The following PDCD11 variants were observed in gnomAD, a reference collection of about 807,000 sequenced individuals.
PDCD11 encodes the protein protein RRP5 homolog.
Under a neutral mutation model 198.9 loss-of-function variants are expected in PDCD11, and 97 were observed. The ratio of observed to expected loss-of-function variants is 0.49; its 90% CI spans 0.41 to 0.58. The LOEUF (loss-of-function observed/expected upper bound fraction) is 0.58, where lower values mean the gene tolerates loss of function less well. Among genes scored for constraint, PDCD11 ranks in the 20% least tolerant of loss-of-function variants. PDCD11 has a pLI of 0.00. For synonymous variants in PDCD11, 893 were observed against 918.0 expected, an observed-to-expected ratio of 0.97 and a Z score of 0.49; for missense variants, 2,102 against 2,312.7, an observed-to-expected ratio of 0.91 and a Z score of 1.87.
chr10:103,427,204 G>A (rs1286434444), intron 20 of PDCD11, 125 bp from the exon 21 acceptor site: 2 of 791,382 alleles, frequency 2.5e-6, no homozygotes, highest in Non-Finnish European at 4.5e-6. Context: ...CTTCAGTGGT[G>A]GTGTGACAGT....
rs1304043361 is a variant in PDCD11, at chr10:103,438,031, A to G, written c.3862A>G (p.Thr1288Ala). Residue 1288 changes from threonine to alanine, a missense_variant, in exon 26 of 36, where the codon ACT (threonine) becomes GCT (alanine). Thr to Ala is a moderately conservative substitution (Grantham distance 58). Coordinates refer to ENST00000369797, the MANE Select transcript of PDCD11 (RefSeq NM_014976.2). The stretch of plus-strand genomic sequence containing the variant: ...TTCATTCAGATGTTACATCCTGTCC[A>G]CTGCAGACAACGTATTGACTTTGTC... The part of the protein sequence containing the change: ...QKVVRCYILS[T>A]ADNVLTLSLR... 6.2e-7 allele frequency: 1 copy of G among 1,613,604 alleles called. No individual in the cohort carries two copies. Among genetic ancestry groups the G allele is most frequent in the East Asian group, 2.2e-5 (1 of 44,884 alleles).
At chr10:103,433,232 C>T (rs1395665717) in intron 22 of PDCD11, among the ~76,000 whole-genome samples, 7 of 152,134 alleles carry the variant, frequency 4.6e-5, no homozygotes, top group Non-Finnish European at 8.8e-5. Context: ...TGGTGGTTCA[C>T]GCCTGTAATC....
intron 10 of PDCD11, 67 bp downstream of exon 10, chr10:103,414,157 C>A (rs2030969612): frequency 1.3e-6 from 2 of 1,583,786 alleles, no homozygotes; most frequent in Non-Finnish European, 1.7e-6. Context: ...TTCCATTTCT[C>A]CTGGCTGTGC....
At chr10:103,439,442 T>A (rs2032285875) in intron 27 of PDCD11, among the ~76,000 whole-genome samples, 1 of 152,242 alleles carries the variant, frequency 6.6e-6, no homozygotes, top group Non-Finnish European at 1.5e-5. Context: ...CACCTCATGT[T>A]CACAAGCACC....
In PDCD11 at chr10:103,443,980, A is replaced by C; in HGVS notation, c.5190A>C (p.Lys1730Asn). ...GGCAGGAGAAAGCTGTGTGGATCAAATACGGCGCCTTCCTTCTGCGGAGGA... is the reference window on the plus strand; with the variant it reads ...GGCAGGAGAAAGCTGTGTGGATCAACTACGGCGCCTTCCTTCTGCGGAGGA... ...RFRQEKAVWI[K>N]YGAFLLRRSQ... The change falls in exon 34 of 36, where the codon AAA (lysine) becomes AAC (asparagine). Residue 1730 changes from lysine to asparagine, a missense_variant. Physicochemically the swap from Lys to Asn is moderately conservative, Grantham distance 94. Transcript: ENST00000369797. The C allele has an allele frequency of 6.2e-7, 1 of 1,613,882 alleles. No homozygotes were observed. Among genetic ancestry groups the C allele is most frequent in the South Asian group, 1.1e-5 (1 of 91,056 alleles).
At chr10:103,418,347 C>A in intron 14 of PDCD11, 93 bp from the exon 15 acceptor site, 1 of 996,014 alleles carries the variant, frequency 1.0e-6, no homozygotes, top group South Asian at 1.5e-5. Context: ...TCCTTGGTGC[C>A]GGAGTTTAAT....
intron 20 of PDCD11, 144 bp downstream of exon 20, chr10:103,425,669 TGCAAGA>T (rs1006395695): frequency 1.1e-5 from 8 of 700,460 alleles, no homozygotes; most frequent in Non-Finnish European, 1.9e-5. Flanking sequence ...AGAATTATTT[TGCAAGA>T]TTCTTTTTTT....
At chr10:103,412,368 T>G (rs897036966) in intron 8 of PDCD11, among the ~76,000 whole-genome samples, 21 of 152,118 alleles carry the variant, frequency 1.4e-4, no homozygotes, top group Non-Finnish European at 2.5e-4. Context: ...TCGCCCAGGC[T>G]GGAGTGCAGT....
In PDCD11 at chr10:103,406,681, G is replaced by T; in HGVS notation, c.761G>T (p.Ser254Ile). Reference protein sequence around the residue: ...EKVKGNGGVVSLSVGHSEVST... With the variant: ...EKVKGNGGVVILSVGHSEVST... ...GTGAAAGGCAACGGAGGAGTTGTTA[G>T]TCTGTCTGTTGGTCACTCAGAGGTT... Residue 254 changes from serine (S) to isoleucine (I), a missense_variant, in exon 7 of 36, where the codon AGT becomes ATT. Physicochemically the swap from Ser to Ile is moderately radical, Grantham distance 142. Coordinates refer to ENST00000369797, the MANE Select transcript of PDCD11 (RefSeq NM_014976.2). 6.2e-7 allele frequency: 1 copy of T among 1,614,164 alleles called. No homozygotes were observed. The highest frequency in any genetic ancestry group is 8.5e-7 in the Non-Finnish European group (1 of 1,180,004).
chr10:103,422,056 TTA>T (rs2031469495), intron 17 of PDCD11, among the ~76,000 whole-genome samples: 1 of 26,472 alleles, frequency 3.8e-5, no homozygotes, highest in Non-Finnish European at 6.8e-5. Flanking sequence ...GTGCACAATT[TTA>T]TTATTATTAT....
At chr10:103,408,179 A>G (rs1203443358) in intron 7 of PDCD11, among the ~76,000 whole-genome samples, 1 of 151,886 alleles carries the variant, frequency 6.6e-6, no homozygotes, top group Non-Finnish European at 1.5e-5. Flanking sequence ...GTAAACTACT[A>G]GTTTCTTTTT....
intron 25 of PDCD11, 79 bp downstream of exon 25, chr10:103,435,054 CTT>C: frequency 9.3e-7 from 1 of 1,075,360 alleles, no homozygotes; most frequent in South Asian, 2.5e-5. Flanking sequence ...TAATACATGA[CTT>C]TTTATCAGAA....
chr10:103,420,980 A>G (rs1592127612), intron 16 of PDCD11, among the ~76,000 whole-genome samples: 1 of 151,248 alleles, frequency 6.6e-6, no homozygotes, highest in African/African-American at 2.4e-5. Flanking sequence ...GATTCAAGTG[A>G]TTCTCCTGCC....
intron 12 of PDCD11, 74 bp downstream of exon 12, chr10:103,415,225 T>C (rs1268818978): frequency 9.4e-5 from 139 of 1,482,520 alleles, no homozygotes; most frequent in East Asian, 2.3e-5. Context: ...AGTTTCTGCC[T>C]TTTTCCACAA....
intron 25 of PDCD11, among the ~76,000 whole-genome samples, chr10:103,437,707 C>T (rs1473025816): frequency 1.3e-5 from 2 of 152,186 alleles, no homozygotes; most frequent in East Asian, 1.9e-4. Flanking sequence ...CCAGGATGGT[C>T]TCAATCTCCT....
At chr10:103,401,910 G>C (rs751002790) in intron 3 of PDCD11, among the ~76,000 whole-genome samples, 1 of 151,850 alleles carries the variant, frequency 6.6e-6, no homozygotes, top group Non-Finnish European at 1.5e-5. Flanking sequence ...GCCCAGCTAA[G>C]TTTTTGTATT....
At chr10:103,407,151 C>A (rs960260920) in intron 7 of PDCD11, among the ~76,000 whole-genome samples, 1 of 152,154 alleles carries the variant, frequency 6.6e-6, no homozygotes, top group Non-Finnish European at 1.5e-5. Flanking sequence ...CCATCTTTAA[C>A]TCTTTTAGCT....
At chr10:103,415,512 G>A (rs1397772913) in intron 12 of PDCD11, among the ~76,000 whole-genome samples, 3 of 152,188 alleles carry the variant, frequency 2.0e-5, no homozygotes, top group Non-Finnish European at 2.9e-5. Context: ...CAGGTATTCC[G>A]TGCCAGTTTC....
In PDCD11 at chr10:103,416,562, A is replaced by G. The variant is rs1447163852; in HGVS notation, c.1590A>G (p.Leu530=). The part of the protein sequence containing the change: ...TLKKTLIESK[L]PVITCYADAK... ...AAAAAACCCTGATTGAGTCCAAACT[A>G]CCTGTCATTACCTGCTATGCCGATG... The change falls in exon 13 of 36, where the codon CTA becomes CTG. Residue 530 remains leucine (L), a synonymous_variant. Coordinates refer to ENST00000369797, the MANE Select transcript of PDCD11 (RefSeq NM_014976.2). 3.1e-6 allele frequency: 5 copies of G among 1,614,060 alleles called. No individual in the cohort carries two copies. Among genetic ancestry groups the G allele is most frequent in the Non-Finnish European group, 8.5e-7 (1 of 1,180,038 alleles).
Sources: allele counts gnomAD v4.1 joint callset (sites outside exome capture counted in the v4.1 genomes callset), GRCh38; gene constraint gnomAD v4.1.1; transcripts MANE v1.5; gene names NCBI Gene and HGNC (gene_info 2026-07-23, HGNC 2026-07-21).